The following PARD3B variants were observed in gnomAD, a reference collection of about 807,000 sequenced individuals.
PARD3B encodes par-3 family cell polarity regulator beta, also known as partitioning defective 3 homolog B.
PARD3B carries 103 observed loss-of-function variants against 130.2 expected under a neutral mutation model. That is an observed-to-expected ratio of 0.79 (90% CI 0.67 to 0.93). The LOEUF (loss-of-function observed/expected upper bound fraction) is 0.93, where lower values mean the gene tolerates loss of function less well. PARD3B is among the 40% of genes least tolerant of loss of function. The pLI is 0.00. For synonymous variants in PARD3B, 583 were observed against 553.2 expected, an observed-to-expected ratio of 1.05 and a Z score of -0.76; for missense variants, 1,609 against 1,499.2, an observed-to-expected ratio of 1.07 and a Z score of -1.21.
At chr2:204,641,711 T>C (rs2035082805) in intron 1 of PARD3B, among the ~76,000 whole-genome samples, 1 of 152,188 alleles carries the variant, frequency 6.6e-6, no homozygotes, top group South Asian at 2.1e-4. Context: ...TACGTTGTAA[T>C]TACAGCAATA....
intron 20 of PARD3B, among the ~76,000 whole-genome samples, chr2:205,491,022 G>A (rs1292625307): frequency 6.6e-6 from 1 of 152,116 alleles, no homozygotes; most frequent in Non-Finnish European, 1.5e-5. Flanking sequence ...TGTCAGATGA[G>A]TAGATTGCAA....
intron 2 of PARD3B, among the ~76,000 whole-genome samples, chr2:204,928,619 A>T (rs919399381): frequency 2.0e-5 from 3 of 149,428 alleles, no homozygotes; most frequent in African/African-American, 7.7e-5. Context: ...ACAGTCATCA[A>T]AGACGTCTTG....
intron 1 of PARD3B, among the ~76,000 whole-genome samples, chr2:204,613,733 T>A (rs941919856): frequency 6.6e-6 from 1 of 152,162 alleles, no homozygotes; most frequent in Non-Finnish European, 1.5e-5. Context: ...TGAACTTTGT[T>A]TTATTCCTTT....
intron 22 of PARD3B, 93 bp from the exon 23 acceptor site, chr2:205,615,363 C>A: frequency 9.4e-7 from 1 of 1,062,968 alleles, no homozygotes; most frequent in Non-Finnish European, 1.4e-6. Context: ...ATGCGGTGGC[C>A]ACACCAAACT....
intron 1 of PARD3B, among the ~76,000 whole-genome samples, chr2:204,570,438 T>A (rs2031926863): frequency 6.6e-6 from 1 of 152,198 alleles, no homozygotes; most frequent in South Asian, 2.1e-4. Flanking sequence ...TGACAGTTTC[T>A]TTGCTCTTCT....
At chr2:204,639,657 G>T (rs1300402690) in intron 1 of PARD3B, among the ~76,000 whole-genome samples, 1 of 152,066 alleles carries the variant, frequency 6.6e-6, no homozygotes, top group Non-Finnish European at 1.5e-5. Context: ...GATGTGTGTG[G>T]GTTATATGTA....
At chr2:204,965,377 G>A in intron 3 of PARD3B, 54 bp downstream of exon 3, 1 of 1,520,830 alleles carries the variant, frequency 6.6e-7, no homozygotes, top group Non-Finnish European at 9.0e-7. Flanking sequence ...CCGTCATCTT[G>A]TTGATTAGGC....
At chr2:205,570,365 A>G (rs1397634233) in intron 22 of PARD3B, among the ~76,000 whole-genome samples, 2 of 152,216 alleles carry the variant, frequency 1.3e-5, no homozygotes. Flanking sequence ...TATAGTTCCT[A>G]TGTGACTGGT....
At chr2:204,876,447 G>T (rs191810518) in intron 2 of PARD3B, among the ~76,000 whole-genome samples, 1 of 152,280 alleles carries the variant, frequency 6.6e-6, no homozygotes, top group African/African-American at 2.4e-5. Flanking sequence ...AACTGTCGTT[G>T]GATTGAGTTG....
intron 10 of PARD3B, among the ~76,000 whole-genome samples, chr2:205,155,120 C>A (rs1481866070): frequency 1.3e-5 from 2 of 151,828 alleles, no homozygotes; most frequent in Non-Finnish European, 2.9e-5. Context: ...CTCACCCACA[C>A]AGATGCTAGT....
Position 205,158,405 on chromosome 2 carries a change from TA to T in PARD3B, c.1435-316del, listed in dbSNP as rs2034308779. 6.6e-6 allele frequency among the ~76,000 whole-genome samples: 1 copy of T among 152,210 alleles called. No individual in the cohort carries two copies. The highest frequency in any genetic ancestry group is 6.5e-5 in the Admixed American group (1 of 15,286). ...CCTAAGTCTAATGTCCAGCCTTTTTTATTATGGAGAATATCTTAGTAAATTT... is the reference window on the plus strand; with the variant it reads ...CCTAAGTCTAATGTCCAGCCTTTTTTTTATGGAGAATATCTTAGTAAATTT... On this transcript the variant is annotated intron_variant, in intron 10 of 22. Transcript: ENST00000406610. The surrounding 1 kb of genome is among the most constrained non-coding windows in gnomAD (Gnocchi z 5.4).
chr2:204,978,115 C>T (rs1199745551), intron 3 of PARD3B, among the ~76,000 whole-genome samples: 1 of 152,116 alleles, frequency 6.6e-6, no homozygotes, highest in African/African-American at 2.4e-5. Flanking sequence ...CTTCAGAAGG[C>T]ACTGAGCCAC....
Position 204,707,078 on chromosome 2 carries a change from G to A in PARD3B, c.222+20796G>A, listed in dbSNP as rs78852218. On this transcript the variant is annotated intron_variant, in intron 2 of 22. Coordinates refer to ENST00000406610, the MANE Select transcript of PARD3B (RefSeq NM_001302769.2). ...AGTAGCAGGATTTTTTTGAGCAGGGGAGCCAAGCAGCTGCTGTGATGTCTG... is the reference window on the plus strand; with the variant it reads ...AGTAGCAGGATTTTTTTGAGCAGGGAAGCCAAGCAGCTGCTGTGATGTCTG... Among the ~76,000 whole-genome samples, 620 of 152,228 alleles carry A rather than the reference G, an allele frequency of 4.1e-3. 4 individuals are homozygous for A. Among genetic ancestry groups the A allele is most frequent in the African/African-American group, 0.014 (594 of 41,542 alleles).
chr2:205,092,843 T>C (rs890076458), intron 4 of PARD3B, among the ~76,000 whole-genome samples: 2 of 152,192 alleles, frequency 1.3e-5, no homozygotes, highest in Admixed American at 6.5e-5. Context: ...TTCCAGCGAT[T>C]GTGGAACTTA....
chr2:204,796,850 A>G (rs2042391471), intron 2 of PARD3B, among the ~76,000 whole-genome samples: 1 of 152,038 alleles, frequency 6.6e-6, no homozygotes, highest in Non-Finnish European at 1.5e-5. Context: ...CTAAATTTAG[A>G]CCTATTTGCA....
chr2:205,213,889 G>T (rs2037775959), intron 15 of PARD3B, among the ~76,000 whole-genome samples: 1 of 152,080 alleles, frequency 6.6e-6, no homozygotes, highest in Non-Finnish European at 1.5e-5. Flanking sequence ...AGGGCTGTGT[G>T]CTTTATTTCC....
chr2:205,382,204 C>G (rs375526400), intron 18 of PARD3B, among the ~76,000 whole-genome samples: 1 of 151,908 alleles, frequency 6.6e-6, no homozygotes, highest in East Asian at 1.9e-4. Flanking sequence ...CTCCTTGGTC[C>G]CCTGTGCTAG....
intron 2 of PARD3B, among the ~76,000 whole-genome samples, chr2:204,715,239 T>C (rs1210154260): frequency 6.6e-6 from 1 of 152,188 alleles, no homozygotes; most frequent in Non-Finnish European, 1.5e-5. Context: ...AAATTTAATA[T>C]GGGATCCCTG....
chr2:204,991,177 T>C (rs1447514404), intron 3 of PARD3B, among the ~76,000 whole-genome samples: 1 of 151,576 alleles, frequency 6.6e-6, no homozygotes, highest in Non-Finnish European at 1.5e-5. Context: ...CTGCACCCAC[T>C]AACGCATCAT....
Sources: gnomAD v4.1 joint callset for allele counts (sites outside exome capture counted in the v4.1 genomes callset) on GRCh38, gnomAD v4.1.1 for gene constraint, Gnocchi (gnomAD v3.1) non-coding constraint, MANE v1.5 for transcripts, NCBI Gene and HGNC (gene_info 2026-07-23, HGNC 2026-07-21) for gene names.